GFRA1: variants seen among roughly 807,000 people sequenced by gnomAD.
The protein encoded by GFRA1 is GDNF family receptor alpha 1, also known as GDNF family receptor alpha-1.
Under a neutral mutation model 51.6 loss-of-function variants are expected in GFRA1, and 16 were observed. The ratio of observed to expected loss-of-function variants is 0.31; its 90% CI spans 0.21 to 0.47. The LOEUF is 0.47. GFRA1 is among the 20% of genes least tolerant of loss of function. The probability of loss-of-function intolerance (pLI) is 1.00; values close to 1 mark genes in which losing one functional copy is unlikely to be tolerated. For synonymous variants in GFRA1, 270 were observed against 241.3 expected (o/e 1.12, Z -1.10); for missense variants, 530 against 594.3 (o/e 0.89, Z 1.13).
rs1056954510 is a variant in GFRA1 at position 116,084,811 on chromosome 10, C to G, written c.1197+4930G>C. Among the ~76,000 whole-genome samples, 112 of 134,486 alleles carry G rather than the reference C, an allele frequency of 8.3e-4. 1 individual carries two copies. Among genetic ancestry groups the G allele is most frequent in the South Asian group, 3.6e-3 (15 of 4,112 alleles). The allele number at this position is 134,486 out of a possible 152,430, so 88.2% of individuals were successfully genotyped here. On this transcript the variant is annotated intron_variant, in intron 9 of 10. Coordinates refer to ENST00000355422, the MANE Select transcript of GFRA1 (RefSeq NM_005264.8). The stretch of plus-strand genomic sequence containing the variant: ...ACACACACACACACACACACACACA[C>G]AGTCCATTTGGTTTAAATATCCTGA...
chr10:116,258,866 CTCTTT>C (rs1367857353), intron 4 of GFRA1, among the ~76,000 whole-genome samples: 3 of 152,178 alleles, frequency 2.0e-5, no homozygotes, highest in African/African-American at 7.2e-5. Context: ...ATTTTTACTT[CTCTTT>C]AAGTATCATG....
intron 9 of GFRA1, among the ~76,000 whole-genome samples, chr10:116,077,004 G>A (rs1034370569): frequency 6.6e-6 from 1 of 152,162 alleles, no homozygotes; most frequent in Non-Finnish European, 1.5e-5. Context: ...ATCCCTTTCT[G>A]CCATTCACTT....
chr10:116,088,814 G>A (rs1028908249), intron 9 of GFRA1, among the ~76,000 whole-genome samples: 12 of 151,574 alleles, frequency 7.9e-5, no homozygotes, highest in South Asian at 4.2e-4. Context: ...CCAGCTACGC[G>A]GGAGGCTAAG....
chr10:116,060,335 A>G lies in GFRA1; in HGVS notation c.*4063T>C, dbSNP rs1236829280. 6.6e-6 allele frequency: 1 copy of G among 152,226 alleles called. No homozygotes were observed. The highest frequency in any genetic ancestry group is 6.5e-5 in the Admixed American group (1 of 15,282). The allele number at this position is 152,226 out of a possible 1,614,324, so 9.4% of individuals were successfully genotyped here. A position where few individuals can be genotyped will look rare whatever the true frequency, so the allele number is the denominator to read the frequency against. ...TTGTTTTATTTTAGAATTTCTAATAAGAAATTCCTTCCTCTGTCGTTCGGA... is the reference window on the plus strand; with the variant it reads ...TTGTTTTATTTTAGAATTTCTAATAGGAAATTCCTTCCTCTGTCGTTCGGA... On this transcript the variant is annotated 3_prime_UTR_variant, in exon 11 of 11. Transcript: ENST00000355422.
intron 6 of GFRA1, among the ~76,000 whole-genome samples, chr10:116,122,410 C>A (rs145064970): frequency 1.1e-4 from 17 of 152,262 alleles, no homozygotes; most frequent in African/African-American, 3.9e-4. Flanking sequence ...CCACTCCCTG[C>A]TATCAGGGAT....
intron 5 of GFRA1, among the ~76,000 whole-genome samples, chr10:116,147,332 C>T (rs2134119216): frequency 6.6e-6 from 1 of 152,214 alleles, no homozygotes; most frequent in East Asian, 1.9e-4. Flanking sequence ...GGAGGGGCAG[C>T]CTGACAGATC....
At chr10:116,256,248 C>T (rs115613061) in intron 4 of GFRA1, among the ~76,000 whole-genome samples, 182 of 152,294 alleles carry the variant, frequency 1.2e-3, no homozygotes, top group African/African-American at 4.3e-3. Context: ...GTGTGCTCAA[C>T]TCCAAGGTTT....
chr10:116,196,639 CTATATATAATATATATATAGTACTA>C lies in GFRA1; in HGVS notation c.433+14967_433+14991del, dbSNP rs1963841034. ...TATATAATATATATAATATATAGTA[CTATATATAATATATATATAGTACTA>C]TATATAATATATATAATATATAGTA... is the stretch of plus-strand genomic sequence containing the variant. On this transcript the variant is annotated intron_variant, in intron 5 of 10. Coordinates refer to ENST00000355422, the MANE Select transcript of GFRA1 (RefSeq NM_005264.8). 1.0e-3 allele frequency among the ~76,000 whole-genome samples: 7 copies of C among 6,962 alleles called. 2 individuals carry two copies. The East Asian group carries it at 0.17, about 166-fold the overall frequency. 4.6% of individuals were successfully genotyped at this position (6,962 alleles called of 152,430 possible).
chr10:116,222,969 C>T (rs1321579358), intron 4 of GFRA1, among the ~76,000 whole-genome samples: 17 of 152,074 alleles, frequency 1.1e-4, no homozygotes, highest in Admixed American at 1.1e-3. Flanking sequence ...TATAGGTAAC[C>T]TATAGATTAT....
chr10:116,162,301 A>G (rs939446303), intron 5 of GFRA1, among the ~76,000 whole-genome samples: 4 of 152,350 alleles, frequency 2.6e-5, no homozygotes, highest in Non-Finnish European at 5.9e-5. Flanking sequence ...AAGAGACCAG[A>G]GATCCGAAAG....
chr10:116,269,615 A>G, intron 3 of GFRA1, 29 bp from the exon 4 acceptor site: 1 of 1,330,872 alleles, frequency 7.5e-7, no homozygotes, highest in Non-Finnish European at 1.1e-6. Context: ...TTGGGCTCAG[A>G]TCAGAAAAAC....
intron 6 of GFRA1, among the ~76,000 whole-genome samples, chr10:116,103,508 G>T (rs915114170): frequency 2.0e-5 from 3 of 152,204 alleles, no homozygotes; most frequent in Admixed American, 2.0e-4. Flanking sequence ...GGAATCTGTG[G>T]TGTTACTTAA....
At chr10:116,232,525 C>G (rs1966746620) in intron 4 of GFRA1, among the ~76,000 whole-genome samples, 1 of 151,394 alleles carries the variant, frequency 6.6e-6, no homozygotes, top group Non-Finnish European at 1.5e-5. Flanking sequence ...AATACTAATC[C>G]TGGTGTTTAA....
chr10:116,176,057 GACAA>G (rs1050601370), intron 5 of GFRA1, among the ~76,000 whole-genome samples: 17 of 152,308 alleles, frequency 1.1e-4, no homozygotes, highest in African/African-American at 3.8e-4. Flanking sequence ...TGGAAAAGAT[GACAA>G]ACAGAATTGT....
chr10:116,214,530 A>G (rs560990977), intron 4 of GFRA1, among the ~76,000 whole-genome samples: 18 of 152,338 alleles, frequency 1.2e-4, no homozygotes, highest in Admixed American at 9.8e-4. Flanking sequence ...ACATGGAGTT[A>G]AAGGCTGAGC....
At chr10:116,153,924 T>C (rs1959151903) in intron 5 of GFRA1, among the ~76,000 whole-genome samples, 1 of 151,962 alleles carries the variant, frequency 6.6e-6, no homozygotes, top group African/African-American at 2.4e-5. Flanking sequence ...AAAGAAATAA[T>C]AATAAGGAAA....
At chr10:116,117,545 G>GTGGATGGATGGATGGATGGATGGA (rs1331930851) in intron 6 of GFRA1, among the ~76,000 whole-genome samples, 1 of 126,092 alleles carries the variant, frequency 7.9e-6, no homozygotes, top group Admixed American at 8.1e-5. Context: ...GGGTGGGTGG[G>GTGGATGGATGGATGGATGGATGGA]TGGGTGGGTG....
chr10:116,176,844 G>T (rs10749199), intron 5 of GFRA1, among the ~76,000 whole-genome samples: 142,460 of 151,908 alleles, frequency 0.94, 66,826 homozygotes, highest in Admixed American at 0.96. Context: ...TTAACTTCCA[G>T]GAACAAATAG....
At chr10:116,201,525 C>T (rs543528372) in intron 5 of GFRA1, among the ~76,000 whole-genome samples, 3 of 152,116 alleles carry the variant, frequency 2.0e-5, no homozygotes, top group South Asian at 2.1e-4. Flanking sequence ...CCTCACTCCC[C>T]GGAGTTGCCC....
Sources: allele counts gnomAD v4.1 joint callset (sites outside exome capture counted in the v4.1 genomes callset), GRCh38; gene constraint gnomAD v4.1.1; transcripts MANE v1.5; gene names NCBI Gene and HGNC (gene_info 2026-07-23, HGNC 2026-07-21).